SUDS3: variants seen among roughly 807,000 people sequenced by gnomAD.
The protein encoded by SUDS3 is SIN3A corepressor complex component SDS3, also known as sin3 histone deacetylase corepressor complex component SDS3.
SUDS3 carries 23 observed loss-of-function variants against 53.5 expected under a neutral mutation model. That is an observed-to-expected ratio of 0.43 (90% CI 0.31 to 0.61). The LOEUF is 0.61. SUDS3 is among the 20% of genes least tolerant of loss of function. The pLI is 0.10. For missense variants in SUDS3, 291 were observed against 405.9 expected (o/e 0.72, Z 2.43); for synonymous variants, 150 against 148.5 (o/e 1.01, Z -0.08).
chr12:118,384,694 G>A (rs950176328), intron 3 of SUDS3, among the ~76,000 whole-genome samples: 13 of 152,164 alleles, frequency 8.5e-5, no homozygotes, highest in African/African-American at 2.4e-4. Context: ...TTAGCTGGGC[G>A]TTGTAGTGGG....
chr12:118,389,890 G>A, intron 4 of SUDS3, 37 bp from the exon 5 acceptor site: 2 of 1,613,796 alleles, frequency 1.2e-6, no homozygotes, highest in Non-Finnish European at 1.7e-6. Flanking sequence ...AGGTGGCACA[G>A]CCTAGCAAAT....
chr12:118,387,007 G>A (rs1667278415), intron 4 of SUDS3, among the ~76,000 whole-genome samples: 2 of 152,118 alleles, frequency 1.3e-5, no homozygotes, highest in South Asian at 4.1e-4. Context: ...TTAAAATGAG[G>A]GTTGGGTGCC....
At chr12:118,410,958 T>G in intron 10 of SUDS3, 115 bp from the exon 11 acceptor site, 1 of 860,694 alleles carries the variant, frequency 1.2e-6, no homozygotes, top group Non-Finnish European at 1.8e-6. Context: ...CAAATGTGAA[T>G]TATTAAGACT....
chr12:118,407,892 G>A (rs112748460), intron 10 of SUDS3, among the ~76,000 whole-genome samples: 12,601 of 149,142 alleles, frequency 0.084, 690 homozygotes, highest in Middle Eastern at 0.27. Context: ...CTAATTTTTT[G>A]TATTTTATTT....
intron 2 of SUDS3, among the ~76,000 whole-genome samples, 196 bp from the exon 3 acceptor site, chr12:118,383,816 G>C (rs914563536): frequency 6.6e-6 from 1 of 152,184 alleles, no homozygotes; most frequent in Non-Finnish European, 1.5e-5. Flanking sequence ...AGGAACACAG[G>C]GTTCTTTCTT....
intron 6 of SUDS3, among the ~76,000 whole-genome samples, chr12:118,393,185 G>A (rs915227040): frequency 1.3e-5 from 2 of 152,168 alleles, no homozygotes; most frequent in African/African-American, 4.8e-5. Context: ...TATGGTGTTG[G>A]ATTAAAGGCT....
intron 6 of SUDS3, among the ~76,000 whole-genome samples, chr12:118,395,980 C>T (rs1425829428): frequency 6.6e-6 from 1 of 152,142 alleles, no homozygotes; most frequent in Non-Finnish European, 1.5e-5. Flanking sequence ...GTGCCCAGCC[C>T]TAACATTCAT....
At chr12:118,402,649 G>C (rs1413403673) in intron 9 of SUDS3, 1 of 152,242 alleles carries the variant, frequency 6.6e-6, no homozygotes, top group Non-Finnish European at 1.5e-5. Flanking sequence ...CTTTTTCTAG[G>C]TAATATCTTC....
At chr12:118,386,291 T>C (rs1450535223) in intron 4 of SUDS3, 106 bp downstream of exon 4, 2 of 884,934 alleles carry the variant, frequency 2.3e-6, no homozygotes, top group African/African-American at 3.4e-5. Flanking sequence ...ATATCCCAGA[T>C]ACTCTGTCAG....
chr12:118,410,037 T>C (rs529714705), intron 10 of SUDS3, among the ~76,000 whole-genome samples: 1 of 152,364 alleles, frequency 6.6e-6, no homozygotes, highest in East Asian at 1.9e-4. Context: ...TTAGATACCC[T>C]TTGGTATACG....
chr12:118,384,872 G>A (rs1273838009), intron 3 of SUDS3, among the ~76,000 whole-genome samples: 2 of 152,096 alleles, frequency 1.3e-5, no homozygotes, highest in East Asian at 3.9e-4. Flanking sequence ...GTTTTGTGAG[G>A]GATTGGAATC....
chr12:118,376,684 G>A lies in SUDS3; in HGVS notation c.-8G>A, dbSNP rs1346847246. 6.7e-7 allele frequency: 1 copy of A among 1,493,434 alleles called. No individual in the cohort carries two copies. The highest frequency in any genetic ancestry group is 8.9e-7 in the Non-Finnish European group (1 of 1,129,502). The allele number at this position is 1,493,434 out of a possible 1,614,324, so 92.5% of individuals were successfully genotyped here. ...CGTGGGCCACGCTCAGCTGCGGTCA[G>A]AGGCGACATGAGTGCCGCGGGGCTG... On this transcript the variant is annotated 5_prime_UTR_variant, in exon 1 of 12. Coordinates refer to ENST00000543473, the MANE Select transcript of SUDS3 (RefSeq NM_022491.3).
intron 2 of SUDS3, among the ~76,000 whole-genome samples, chr12:118,382,252 T>A (rs765820583): frequency 7.2e-5 from 11 of 152,150 alleles, no homozygotes; most frequent in Non-Finnish European, 1.5e-4. Flanking sequence ...TTCACCATGT[T>A]GGCCAGGCTG....
Position 118,392,816 on chromosome 12 carries a change from C to T in SUDS3, c.517+1534C>T, listed in dbSNP as rs141173259. 6.3e-4 allele frequency among the ~76,000 whole-genome samples: 96 copies of T among 152,246 alleles called. 1 individual carries two copies. The Middle Eastern group carries it at 0.024, about 38-fold the overall frequency. On this transcript the variant is annotated intron_variant, in intron 6 of 11. Coordinates refer to ENST00000543473, the MANE Select transcript of SUDS3 (RefSeq NM_022491.3). ...CTGCTCCCTTTCCGTCTGTGGGGAA[C>T]GGGTATCATCACCTTACCTGTGATT...
intron 6 of SUDS3, among the ~76,000 whole-genome samples, chr12:118,391,705 C>A (rs1317949233): frequency 6.6e-6 from 1 of 152,216 alleles, no homozygotes; most frequent in Non-Finnish European, 1.5e-5. Context: ...GGGAATCCCT[C>A]GCTTTGTTTT....
rs2046256761 is a variant in SUDS3, at chr12:118,400,760, C to T, written c.613+6C>T. Reference sequence around the variant, plus strand: ...GAGGAGGAAACCTGCTCCAGATATCCATTTACATCAAGCCTTAACCGCCTT... The same window carrying T: ...GAGGAGGAAACCTGCTCCAGATATCTATTTACATCAAGCCTTAACCGCCTT... On this transcript the variant is annotated splice_donor_region_variant and intron_variant, in intron 7 of 11. Coordinates refer to ENST00000543473, the MANE Select transcript of SUDS3 (RefSeq NM_022491.3). 5.0e-6 allele frequency: 8 copies of T among 1,613,484 alleles called. No individual in the cohort carries two copies. The East Asian group carries it at 1.6e-4, about 31-fold the overall frequency.
chr12:118,379,812 A>G (rs2046038447), intron 1 of SUDS3, among the ~76,000 whole-genome samples: 1 of 152,202 alleles, frequency 6.6e-6, no homozygotes, highest in African/African-American at 2.4e-5. Context: ...ATTTCAGGTA[A>G]AGGCAAGCTT....
chr12:118,387,906 T>A (rs563771031), intron 4 of SUDS3, among the ~76,000 whole-genome samples: 25 of 152,280 alleles, frequency 1.6e-4, no homozygotes, highest in Admixed American at 1.5e-3. Flanking sequence ...GCAGAAGAGC[T>A]CCTAAATCAG....
chr12:118,385,980 A>C lies in SUDS3; in HGVS notation c.269-134A>C, dbSNP rs1474541435. 4.1e-6 allele frequency: 3 copies of C among 735,880 alleles called. No individual in the cohort carries two copies. In the African/African-American group the frequency reaches 5.4e-5, roughly 13 times the overall value. 45.6% of individuals were successfully genotyped at this position (735,880 alleles called of 1,614,324 possible). Reference sequence around the variant, plus strand: ...TGTGCCTTGGTTAAGAACCAGAGTTAACTTTGCTGAGGTGTGTCTTCCTTT... The same window carrying C: ...TGTGCCTTGGTTAAGAACCAGAGTTCACTTTGCTGAGGTGTGTCTTCCTTT... On this transcript the variant is annotated intron_variant, in intron 3 of 11. Coordinates refer to ENST00000543473, the MANE Select transcript of SUDS3 (RefSeq NM_022491.3).
Sources: gnomAD v4.1 joint callset for allele counts (sites outside exome capture counted in the v4.1 genomes callset) on GRCh38, gnomAD v4.1.1 for gene constraint, MANE v1.5 for transcripts, NCBI Gene and HGNC (gene_info 2026-07-23, HGNC 2026-07-21) for gene names.